The following CFAP43 variants were observed in gnomAD, a reference collection of about 807,000 sequenced individuals.
CFAP43 encodes the protein cilia- and flagella-associated protein 43.
Under a neutral mutation model 218.9 loss-of-function variants are expected in CFAP43, and 155 were observed. That is an observed-to-expected ratio of 0.71 (90% CI 0.62 to 0.81). The LOEUF is 0.81. CFAP43 is among the 30% of genes least tolerant of loss of function. CFAP43 has a pLI of 0.00. For missense variants in CFAP43, 1,778 were observed against 1,954.3 expected, an observed-to-expected ratio of 0.91 and a Z score of 1.70; for synonymous variants, 645 against 681.3, an observed-to-expected ratio of 0.95 and a Z score of 0.83.
Position 104,230,607 on chromosome 10 carries a change from CTGG to C in CFAP43, c.299_301del (p.Thr100del). 1 of 1,613,998 alleles carries C rather than the reference CTGG, an allele frequency of 6.2e-7. No homozygotes were observed. The highest frequency in any genetic ancestry group is 8.5e-7 in the Non-Finnish European group (1 of 1,179,986). On this transcript the variant is annotated inframe_deletion, in exon 2 of 38. Coordinates refer to ENST00000357060, the MANE Select transcript of CFAP43 (RefSeq NM_025145.7). ...TAGAATACCTTTCAATTTGGTCCTT[CTGG>C]TCAATCCTGGAAAGCTGTATACGTA...
chr10:104,182,702 CT>C (rs909021408), intron 16 of CFAP43, among the ~76,000 whole-genome samples, 189 bp from the exon 17 acceptor site: 76 of 149,556 alleles, frequency 5.1e-4, no homozygotes, highest in Non-Finnish European at 7.7e-4. Flanking sequence ...AGAATTTCTT[CT>C]TTTTTTTTTA....
intron 4 of CFAP43, among the ~76,000 whole-genome samples, chr10:104,213,910 C>T (rs2090938221): frequency 6.6e-6 from 1 of 152,158 alleles, no homozygotes; most frequent in Non-Finnish European, 1.5e-5. Context: ...TAGCAAAAGT[C>T]TTAACTCTCC....
intron 19 of CFAP43, among the ~76,000 whole-genome samples, chr10:104,177,542 A>G (rs547410480): frequency 2.0e-4 from 30 of 152,154 alleles, no homozygotes; most frequent in Non-Finnish European, 3.8e-4. Context: ...GATGCTACTT[A>G]TTGCCTAAAC....
rs2134956943 is a variant in CFAP43 at position 104,205,978 on chromosome 10, C to A, written c.948G>T (p.Val316=). ...PVTLVYQKEG[V]LASGIDGFVY... ...AATACATTACAATTCCAGAAGCCAG[C>A]ACGCCCTCCTTCTGATATACCAAGG... Residue 316 remains valine (V), a synonymous_variant, in exon 7 of 38, where the codon GTG becomes GTT. Coordinates refer to ENST00000357060, the MANE Select transcript of CFAP43 (RefSeq NM_025145.7). The A allele has an allele frequency of 1.2e-6, 2 of 1,608,320 alleles. No individual in the cohort carries two copies. The highest frequency in any genetic ancestry group is 3.3e-4 in the Middle Eastern group (2 of 5,980).
intron 23 of CFAP43, among the ~76,000 whole-genome samples, chr10:104,164,680 G>A (rs932075987): frequency 5.9e-5 from 9 of 152,176 alleles, no homozygotes; most frequent in Admixed American, 1.3e-4. Context: ...TTACAGGCGT[G>A]AGCCACCGCG....
intron 27 of CFAP43, among the ~76,000 whole-genome samples, chr10:104,160,347 G>A (rs557421913): frequency 1.3e-5 from 2 of 152,150 alleles, no homozygotes; most frequent in African/African-American, 4.8e-5. Context: ...ATGTGGACAG[G>A]TTCACAACAG....
At chr10:104,154,599 T>C (rs1468780171) in intron 27 of CFAP43, among the ~76,000 whole-genome samples, 1 of 152,220 alleles carries the variant, frequency 6.6e-6, no homozygotes, top group Non-Finnish European at 1.5e-5. Context: ...CATCAGCATA[T>C]GGCAAATGGC....
chr10:104,150,891 C>A (rs1287350958), intron 28 of CFAP43, among the ~76,000 whole-genome samples: 2 of 152,098 alleles, frequency 1.3e-5, no homozygotes, highest in Non-Finnish European at 2.9e-5. Flanking sequence ...CTCCTCCCAC[C>A]CACCACCCTC....
intron 11 of CFAP43, 187 bp downstream of exon 11, chr10:104,193,679 C>T: frequency 2.9e-6 from 2 of 698,012 alleles, no homozygotes; most frequent in Non-Finnish European, 4.4e-6. Context: ...CAAGGACAGA[C>T]CTGGGTATGG....
chr10:104,163,594 G>A (rs998503847), intron 24 of CFAP43, among the ~76,000 whole-genome samples: 2 of 152,140 alleles, frequency 1.3e-5, no homozygotes, highest in Non-Finnish European at 2.9e-5. Flanking sequence ...CACACCGCCT[G>A]AATGACCTAG....
chr10:104,161,254 A>G, intron 26 of CFAP43, 92 bp from the exon 27 acceptor site: 1 of 1,394,324 alleles, frequency 7.2e-7, no homozygotes, highest in Non-Finnish European at 9.7e-7. Flanking sequence ...AAGCCCTTTA[A>G]AAGGATACAG....
At chr10:104,191,153 G>C (rs2090197672) in intron 12 of CFAP43, among the ~76,000 whole-genome samples, 1 of 152,022 alleles carries the variant, frequency 6.6e-6, no homozygotes, top group African/African-American at 2.4e-5. Context: ...CCTTCACACT[G>C]GTATCAGAGT....
In CFAP43 at chr10:104,140,871, T is replaced by A. The variant is rs750109033; in HGVS notation, c.4402A>T (p.Ile1468Leu). The A allele has an allele frequency of 1.9e-6, 3 of 1,606,996 alleles. No homozygotes were observed. Among genetic ancestry groups the A allele is most frequent in the Non-Finnish European group, 2.5e-6 (3 of 1,178,334 alleles). Residue 1468 changes from isoleucine to leucine, a missense_variant, in exon 34 of 38, where the codon ATA becomes TTA. Physicochemically the swap from Ile to Leu is conservative, Grantham distance 5 (BLOSUM62 2). Coordinates refer to ENST00000357060, the MANE Select transcript of CFAP43 (RefSeq NM_025145.7). ...ATCACAGAATTCAAGTCTTCAATTA[T>A]GTTCTTGTTGATGAGAATTGCATCA... ...YSDAILINKN[I>L]IEDLNSVIRT...
intron 13 of CFAP43, 128 bp from the exon 14 acceptor site, chr10:104,187,620 G>A (rs2090074479): frequency 3.9e-6 from 3 of 767,136 alleles, no homozygotes; most frequent in Non-Finnish European, 3.8e-6. Flanking sequence ...GAAGCTAGTA[G>A]GTGATAAAAA....
At position 104,182,592 on chromosome 10, in the gene CFAP43, G is replaced by A. The variant is rs1434227373; in HGVS notation, c.2142-79C>T. The A allele has an allele frequency of 6.0e-6, 8 of 1,322,868 alleles. No homozygotes were observed. The African/African-American group carries it at 7.6e-5, about 13-fold the overall frequency. The allele number at this position is 1,322,868 out of a possible 1,614,324, so 81.9% of individuals were successfully genotyped here. On this transcript the variant is annotated intron_variant, in intron 16 of 37. Coordinates refer to ENST00000357060, the MANE Select transcript of CFAP43 (RefSeq NM_025145.7). ...TCACATTTAGCTGTATTATTTTCAG[G>A]TAACTAACCATTTCAGTTTATAGGT...
intron 34 of CFAP43, among the ~76,000 whole-genome samples, chr10:104,135,883 G>A (rs1421017081): frequency 1.3e-5 from 2 of 151,432 alleles, no homozygotes; most frequent in East Asian, 3.9e-4. Flanking sequence ...AAGCTGCAAA[G>A]GATCATGAAT....
chr10:104,215,054 G>A (rs2090976065), intron 3 of CFAP43, among the ~76,000 whole-genome samples: 1 of 152,092 alleles, frequency 6.6e-6, no homozygotes, highest in Admixed American at 6.6e-5. Context: ...AGCATCGCTT[G>A]AACCTGGGAG....
intron 13 of CFAP43, 47 bp from the exon 14 acceptor site, chr10:104,187,539 ATT>A (rs745603958): frequency 1.3e-5 from 18 of 1,439,076 alleles, no homozygotes; most frequent in Admixed American, 2.7e-5. Flanking sequence ...CCATAAATTA[ATT>A]TTGTTTTTTT....
In CFAP43 at chr10:104,202,588, C is replaced by T. The variant is rs138952141; in HGVS notation, c.1095+1084G>A. 8.5e-3 allele frequency among the ~76,000 whole-genome samples: 1,300 copies of T among 152,208 alleles called. 32 individuals are homozygous for T. The highest frequency in any genetic ancestry group is 0.03 in the African/African-American group (1,256 of 41,544). Reference sequence around the variant, plus strand: ...TCCTACCCTTTTGCTTTTCTAGTATCATTCTGAATAACTTCTGATCTATCT... The same window carrying T: ...TCCTACCCTTTTGCTTTTCTAGTATTATTCTGAATAACTTCTGATCTATCT... On this transcript the variant is annotated intron_variant, in intron 8 of 37. Transcript: ENST00000357060.
Sources: allele counts gnomAD v4.1 joint callset (sites outside exome capture counted in the v4.1 genomes callset), GRCh38; gene constraint gnomAD v4.1.1; transcripts MANE v1.5; gene names NCBI Gene and HGNC (gene_info 2026-07-23, HGNC 2026-07-21).